FASTKD2: variants seen among roughly 807,000 people sequenced by gnomAD.
The protein encoded by FASTKD2 is FAST kinase domains 2, also known as FAST kinase domain-containing protein 2, mitochondrial.
A neutral mutation model predicts 63.6 loss-of-function variants in FASTKD2; 51 were observed. The observed-to-expected ratio is 0.80, with a 90% CI of 0.64 to 1.01. FASTKD2 has a LOEUF of 1.01. FASTKD2 is among the 50% of genes least tolerant of loss of function. The pLI is 0.00. For synonymous variants in FASTKD2, 284 were observed against 293.4 expected, an observed-to-expected ratio of 0.97 and a Z score of 0.33; for missense variants, 786 against 831.1, an observed-to-expected ratio of 0.95 and a Z score of 0.67.
At chr2:206,779,628 A>G (rs1294719913) in intron 7 of FASTKD2, among the ~76,000 whole-genome samples, 1 of 152,196 alleles carries the variant, frequency 6.6e-6, no homozygotes, top group Non-Finnish European at 1.5e-5. Context: ...AACTGCCCCC[A>G]TGATCCAATC....
intron 7 of FASTKD2, among the ~76,000 whole-genome samples, chr2:206,779,184 T>C (rs1320974571): frequency 6.6e-6 from 1 of 152,230 alleles, no homozygotes; most frequent in Non-Finnish European, 1.5e-5. Flanking sequence ...TTTTGTCTGA[T>C]ATAAGTATGG....
At position 206,775,886 on chromosome 2, in the gene FASTKD2, G is replaced by T. The variant is rs149377100; in HGVS notation, c.1427+1489G>T. Among the ~76,000 whole-genome samples the T allele has an allele frequency of 2.3e-3, 349 of 151,388 alleles. 2 individuals carry two copies. Among genetic ancestry groups the T allele is most frequent in the African/African-American group, 7.9e-3 (327 of 41,452 alleles). On this transcript the variant is annotated intron_variant, in intron 7 of 11. Transcript: ENST00000402774. ...TTTCTCCACATCTTCTCCAACACTT[G>T]TTAGATTTTGTTTTGTTTTGTTTTT...
At chr2:206,772,356 A>G in intron 6 of FASTKD2, 36 bp downstream of exon 6, 1 of 1,585,814 alleles carries the variant, frequency 6.3e-7, no homozygotes. Context: ...AGCCTCACAA[A>G]CTTTTAAAAC....
chr2:206,765,623 T>C lies in FASTKD2; in HGVS notation c.-175T>C. 1.3e-6 allele frequency: 1 copy of C among 787,824 alleles called. No individual in the cohort carries two copies. Among genetic ancestry groups the C allele is most frequent in the Non-Finnish European group, 1.6e-6 (1 of 631,928 alleles). The allele number at this position is 787,824 out of a possible 1,614,324, so 48.8% of individuals were successfully genotyped here. A position where few individuals can be genotyped will look rare whatever the true frequency, so the allele number is the denominator to read the frequency against. On this transcript the variant is annotated 5_prime_UTR_variant, in exon 1 of 12. Coordinates refer to ENST00000402774, the MANE Select transcript of FASTKD2 (RefSeq NM_001136193.2). ...TTCTCGGGGAAGCTGTCATGGCTGC[T>C]CCTGTACGTAGTCACGGTCTTGTGC...
Position 206,788,011 on chromosome 2 carries a change from G to A in FASTKD2, c.1669G>A (p.Asp557Asn). The change falls in exon 9 of 12, where the codon GAC becomes AAC. Residue 557 changes from aspartate to asparagine, a missense_variant. Transcript: ENST00000402774. ...ACTTGATGATACTGTCTATCTGAGG[G>A]ACATAGCCTTGTCACTCCCACAGCT... ...LKLDDTVYLR[D>N]IALSLPQLPR... 1.2e-6 allele frequency: 2 copies of A among 1,613,654 alleles called. No homozygotes were observed. Among genetic ancestry groups the A allele is most frequent in the Non-Finnish European group, 1.7e-6 (2 of 1,179,726 alleles).
At chr2:206,772,130 A>G (rs759001627) in intron 5 of FASTKD2, 51 bp from the exon 6 acceptor site, 1 of 1,592,186 alleles carries the variant, frequency 6.3e-7, no homozygotes, top group Admixed American at 1.7e-5. Flanking sequence ...AGCATGTTGT[A>G]TTCAAAACAA....
chr2:206,787,394 T>G (rs1410728702), intron 8 of FASTKD2, among the ~76,000 whole-genome samples: 1 of 152,208 alleles, frequency 6.6e-6, no homozygotes, highest in African/African-American at 2.4e-5. Flanking sequence ...CTGTTGACTT[T>G]TAGTCTTTAG....
chr2:206,777,244 G>A (rs1268629705), intron 7 of FASTKD2, among the ~76,000 whole-genome samples: 1 of 152,078 alleles, frequency 6.6e-6, no homozygotes, highest in Non-Finnish European at 1.5e-5. Context: ...AGGCATCCTT[G>A]TCTTGTTCCT....
Position 206,794,910 on chromosome 2 carries a change from T to G in FASTKD2, c.*3108T>G, listed in dbSNP as rs1162478478. Among the ~76,000 whole-genome samples the G allele has an allele frequency of 6.6e-6, 1 of 152,210 alleles. No homozygotes were observed. Among genetic ancestry groups the G allele is most frequent in the Non-Finnish European group, 1.5e-5 (1 of 68,038 alleles). On this transcript the variant is annotated 3_prime_UTR_variant, in exon 12 of 12. Transcript: ENST00000402774. Reference sequence around the variant, plus strand: ...TAAGATAGAGATTTGGGGCATCTACTTGGAACTACCTATGAGGAGCTGGCA... The same window carrying G: ...TAAGATAGAGATTTGGGGCATCTACGTGGAACTACCTATGAGGAGCTGGCA...
At chr2:206,781,996 C>A (rs1032862220) in intron 7 of FASTKD2, among the ~76,000 whole-genome samples, 1 of 152,166 alleles carries the variant, frequency 6.6e-6, no homozygotes, top group Non-Finnish European at 1.5e-5. Context: ...CCTCGGGTTG[C>A]GTACCTTCTC....
intron 6 of FASTKD2, among the ~76,000 whole-genome samples, chr2:206,773,906 G>A (rs929592800): frequency 2.6e-5 from 4 of 152,112 alleles, no homozygotes; most frequent in Non-Finnish European, 5.9e-5. Context: ...ATATTTAAAA[G>A]TAATTTTCAG....
intron 9 of FASTKD2, 33 bp from the exon 10 acceptor site, chr2:206,788,786 T>G: frequency 9.1e-7 from 1 of 1,103,730 alleles, no homozygotes; most frequent in Non-Finnish European, 1.4e-6. Context: ...TGGAGGAATG[T>G]TTGAAAAATT....
In FASTKD2 at chr2:206,767,123, G is replaced by C. The variant is rs766249217; in HGVS notation, c.430G>C (p.Val144Leu). 1 of 1,614,084 alleles carries C rather than the reference G, an allele frequency of 6.2e-7. No individual in the cohort carries two copies. The highest frequency in any genetic ancestry group is 1.1e-5 in the South Asian group (1 of 91,074). Residue 144 changes from valine (V) to leucine (L), a missense_variant, in exon 2 of 12, where the codon GTT becomes CTT. Transcript: ENST00000402774. ...NLNHEVSNED[V>L]LTKETKPNRI... ...TAATCATGAAGTCTCCAATGAAGAT[G>C]TTCTTACCAAGGAAACAAAACCAAA...
intron 1 of FASTKD2, 84 bp downstream of exon 1, chr2:206,765,831 G>T: frequency 6.5e-6 from 1 of 152,842 alleles, no homozygotes; most frequent in Non-Finnish European, 1.5e-5. Context: ...GGTCTGGTGA[G>T]GCTGGCTGGT....
intron 7 of FASTKD2, among the ~76,000 whole-genome samples, chr2:206,780,640 G>A (rs1489408498): frequency 6.6e-6 from 1 of 151,986 alleles, no homozygotes; most frequent in Non-Finnish European, 1.5e-5. Context: ...TATGAATCTG[G>A]ATGTCCATTA....
At chr2:206,787,497 T>C (rs1031076726) in intron 8 of FASTKD2, among the ~76,000 whole-genome samples, 9 of 152,166 alleles carry the variant, frequency 5.9e-5, no homozygotes, top group African/African-American at 1.9e-4. Flanking sequence ...CATAAATAAA[T>C]AAATGTTATA....
chr2:206,783,034 C>T (rs1489549721), intron 7 of FASTKD2, among the ~76,000 whole-genome samples: 1 of 151,974 alleles, frequency 6.6e-6, no homozygotes, highest in Non-Finnish European at 1.5e-5. Flanking sequence ...AGTTTTCCCT[C>T]CAGATTTAGA....
intron 7 of FASTKD2, 121 bp downstream of exon 7, chr2:206,774,518 A>G (rs1320678552): frequency 1.4e-6 from 1 of 691,810 alleles, no homozygotes; most frequent in East Asian, 2.6e-5. Context: ...CATGCCAATA[A>G]ATAAAACATA....
At chr2:206,790,399 G>C in intron 10 of FASTKD2, 173 bp from the exon 11 acceptor site, 1 of 619,868 alleles carries the variant, frequency 1.6e-6, no homozygotes, top group East Asian at 2.9e-5. Flanking sequence ...AAGTAGCCTT[G>C]TATAGTGGAA....
Sources: gnomAD v4.1 joint callset for allele counts (sites outside exome capture counted in the v4.1 genomes callset) on GRCh38, gnomAD v4.1.1 for gene constraint, MANE v1.5 for transcripts, NCBI Gene and HGNC (gene_info 2026-07-23, HGNC 2026-07-21) for gene names.